ARHGAP29: variants seen among roughly 807,000 people sequenced by gnomAD.
The protein encoded by ARHGAP29 is rho GTPase-activating protein 29.
ARHGAP29 carries 43 observed loss-of-function variants against 122.6 expected under a neutral mutation model. That is an observed-to-expected ratio of 0.35 (90% confidence interval 0.27 to 0.45). ARHGAP29 has a LOEUF of 0.45. Among genes scored for constraint, ARHGAP29 ranks in the 20% least tolerant of loss-of-function variants. The pLI, the probability that ARHGAP29 is intolerant of heterozygous loss-of-function variation, is 1.00. For synonymous variants in ARHGAP29, 506 were observed against 497.1 expected, an observed-to-expected ratio of 1.02 and a Z score of -0.24; for missense variants, 1,303 against 1,477.2, an observed-to-expected ratio of 0.88 and a Z score of 1.93.
At chr1:94,297,584 A>G in the ARHGAP29 span, among the ~76,000 whole-genome samples, 1 of 152,186 alleles carries the variant, frequency 6.6e-6, no homozygotes, top group Non-Finnish European at 1.5e-5. Flanking sequence ...CTTTGGGGAC[A>G]AAGGGGATCT....
chr1:94,302,763 C>A, the ARHGAP29 span: 1 of 312,452 alleles, frequency 3.2e-6, no homozygotes, highest in South Asian at 2.7e-5. Context: ...GACCTGCTCT[C>A]TGGAGAAACC....
At chr1:94,225,925 C>T (rs1259238346) in intron 2 of ARHGAP29, among the ~76,000 whole-genome samples, 1 of 151,922 alleles carries the variant, frequency 6.6e-6, no homozygotes, top group African/African-American at 2.4e-5. Context: ...TATTGTTTCA[C>T]CGATCTAAGC....
At chr1:94,222,264 A>G (rs529955163) in intron 2 of ARHGAP29, among the ~76,000 whole-genome samples, 2 of 152,360 alleles carry the variant, frequency 1.3e-5, no homozygotes, top group South Asian at 2.1e-4. Context: ...AAGGTGAAAC[A>G]TAACTCTCTT....
chr1:94,214,239 T>C (rs1651821731), intron 3 of ARHGAP29, among the ~76,000 whole-genome samples: 1 of 152,180 alleles, frequency 6.6e-6, no homozygotes, highest in South Asian at 2.1e-4. Flanking sequence ...AGTGCTTGAA[T>C]TCAGTAAACA....
At chr1:94,295,642 C>G in the ARHGAP29 span, among the ~76,000 whole-genome samples, 180 of 151,710 alleles carry the variant, frequency 1.2e-3, no homozygotes, top group African/African-American at 4.1e-3. Flanking sequence ...TGCGATGAAT[C>G]CATTGGAGAA....
chr1:94,209,247 T>TA lies in ARHGAP29; in HGVS notation c.437+6dup. The TA allele has an allele frequency of 1.3e-6, 2 of 1,595,006 alleles. No homozygotes were observed. Among genetic ancestry groups the TA allele is most frequent in the Non-Finnish European group, 1.7e-6 (2 of 1,166,680 alleles). Reference sequence around the variant, plus strand: ...CTAGTTGCTTTAAATGACAGTTCTCTACTTACATATTTCCAAAGGTAAATG... The same window carrying TA: ...CTAGTTGCTTTAAATGACAGTTCTCTAACTTACATATTTCCAAAGGTAAATG... On this transcript the variant is annotated splice_region_variant and intron_variant, in intron 4 of 22. Coordinates refer to ENST00000260526, the MANE Select transcript of ARHGAP29 (RefSeq NM_004815.4).
chr1:94,272,181 G>A (rs1259870666), intron 1 of ARHGAP29, among the ~76,000 whole-genome samples: 3 of 152,218 alleles, frequency 2.0e-5, no homozygotes, highest in Non-Finnish European at 2.9e-5. Context: ...GCCTGTTGAA[G>A]TAAAGGTTGA....
At chr1:94,268,969 T>C (rs1654889140) in intron 1 of ARHGAP29, among the ~76,000 whole-genome samples, 1 of 152,172 alleles carries the variant, frequency 6.6e-6, no homozygotes, top group African/African-American at 2.4e-5. Context: ...TAAAGGCACA[T>C]CCATATACAT....
chr1:94,291,157 C>T, the ARHGAP29 span, among the ~76,000 whole-genome samples: 2 of 152,292 alleles, frequency 1.3e-5, no homozygotes, highest in African/African-American at 2.4e-5. Context: ...GAATTGATCC[C>T]TTTACCATTA....
At chr1:94,236,606 CAT>C (rs1653278863) in intron 1 of ARHGAP29, among the ~76,000 whole-genome samples, 1 of 152,102 alleles carries the variant, frequency 6.6e-6, no homozygotes, top group African/African-American at 2.4e-5. Flanking sequence ...AAAAGATAAA[CAT>C]AGAGACAAGA....
At chr1:94,311,798 A>T in the ARHGAP29 span, among the ~76,000 whole-genome samples, 3 of 152,230 alleles carry the variant, frequency 2.0e-5, no homozygotes, top group African/African-American at 7.2e-5. Flanking sequence ...ATGTACCACT[A>T]AGTCCACTAA....
chr1:94,222,142 C>T (rs1000307475), intron 2 of ARHGAP29, among the ~76,000 whole-genome samples: 3 of 152,090 alleles, frequency 2.0e-5, no homozygotes, highest in African/African-American at 7.2e-5. Context: ...AACAAATGTC[C>T]ATGAGTCCAT....
At chr1:94,177,491 G>A (rs574974309) in intron 22 of ARHGAP29, 121 bp downstream of exon 22, 2 of 641,438 alleles carry the variant, frequency 3.1e-6, no homozygotes, top group East Asian at 3.0e-5. Flanking sequence ...GCCAAGATTT[G>A]TTAACTAATA....
At chr1:94,213,689 T>A (rs143461037) in intron 3 of ARHGAP29, among the ~76,000 whole-genome samples, 7 of 152,336 alleles carry the variant, frequency 4.6e-5, no homozygotes, top group African/African-American at 1.4e-4. Flanking sequence ...CCGAAGTCAG[T>A]CTGCCTAAGT....
rs1200162378 is a variant in ARHGAP29, at chr1:94,248,998, G to A, written c.-32-17355C>T. On this transcript the variant is annotated intron_variant and NMD_transcript_variant, in intron 1 of 25. Transcript: ENST00000552844. ...CAAAGTGCTGGGATTAGAGGCATGAGCTACCACACCTGGGTCATTTTTATA... is the reference window on the plus strand; with the variant it reads ...CAAAGTGCTGGGATTAGAGGCATGAACTACCACACCTGGGTCATTTTTATA... 4.6e-5 allele frequency among the ~76,000 whole-genome samples: 7 copies of A among 152,232 alleles called. No individual in the cohort carries two copies. The South Asian group carries it at 1.2e-3, about 27-fold the overall frequency.
At chr1:94,196,259 T>TC (rs1471033486) in intron 12 of ARHGAP29, among the ~76,000 whole-genome samples, 7,803 of 116,088 alleles carry the variant, frequency 0.067, 222 homozygotes, top group East Asian at 0.29. Flanking sequence ...TGTTTTTCTT[T>TC]TTTTTTTTTT....
At chr1:94,197,903 C>A (rs1437796403) in intron 12 of ARHGAP29, among the ~76,000 whole-genome samples, 1 of 152,192 alleles carries the variant, frequency 6.6e-6, no homozygotes, top group Non-Finnish European at 1.5e-5. Flanking sequence ...TGATGAAAGA[C>A]TGAGTGCTTT....
In ARHGAP29 at chr1:94,170,013, CA is replaced by C. The variant is rs1409882851; in HGVS notation, c.*3855del. Among the ~76,000 whole-genome samples, 1 of 152,052 alleles carries C rather than the reference CA, an allele frequency of 6.6e-6. No individual in the cohort carries two copies. Among genetic ancestry groups the C allele is most frequent in the Non-Finnish European group, 1.5e-5 (1 of 67,992 alleles). On this transcript the variant is annotated 3_prime_UTR_variant, in exon 23 of 23. Coordinates refer to ENST00000260526, the MANE Select transcript of ARHGAP29 (RefSeq NM_004815.4). ...GCTCTTCCTTACAGTAGTAGGATGCCAACCAAGGCAGAAGCCACGGACTCAC... is the reference window on the plus strand; with the variant it reads ...GCTCTTCCTTACAGTAGTAGGATGCCACCAAGGCAGAAGCCACGGACTCAC...
intron 1 of ARHGAP29, among the ~76,000 whole-genome samples, chr1:94,258,562 G>C (rs928788836): frequency 6.6e-6 from 1 of 152,156 alleles, no homozygotes; most frequent in Non-Finnish European, 1.5e-5. Flanking sequence ...GGGTCTTAGG[G>C]GGCTCCCACA....
Sources: allele counts gnomAD v4.1 joint callset (sites outside exome capture counted in the v4.1 genomes callset), GRCh38; gene constraint gnomAD v4.1.1; transcripts MANE v1.5; gene names NCBI Gene and HGNC (gene_info 2026-07-23, HGNC 2026-07-21).